The following DLGAP4 variants were observed in gnomAD, a reference collection of about 807,000 sequenced individuals.
DLGAP4 encodes the protein disks large-associated protein 4.
DLGAP4 carries 18 observed loss-of-function variants against 86.9 expected under a neutral mutation model. The ratio of observed to expected loss-of-function variants is 0.21; its 90% CI spans 0.14 to 0.31. The LOEUF (loss-of-function observed/expected upper bound fraction) is 0.31, where lower values mean the gene tolerates loss of function less well. Ranked by LOEUF, DLGAP4 falls within the 10% of genes least tolerant of loss-of-function variation. The pLI is 1.00. For synonymous variants in DLGAP4, 548 were observed against 574.3 expected, an observed-to-expected ratio of 0.95 and a Z score of 0.65; for missense variants, 1,085 against 1,362.6, an observed-to-expected ratio of 0.80 and a Z score of 3.21.
intron 1 of DLGAP4, among the ~76,000 whole-genome samples, chr20:36,327,496 TC>T (rs1555891085): frequency 1.3e-5 from 2 of 152,070 alleles, no homozygotes; most frequent in Non-Finnish European, 2.9e-5. Context: ...TGAAGGCCAC[TC>T]TTGACTCAGT....
At chr20:36,403,875 G>A (rs969795119) in intron 2 of DLGAP4, among the ~76,000 whole-genome samples, 2 of 152,210 alleles carry the variant, frequency 1.3e-5, no homozygotes, top group Non-Finnish European at 2.9e-5. Context: ...TAGGGCTGAT[G>A]GCAGGAGGCC....
At chr20:36,341,457 C>G (rs1292472184) in intron 1 of DLGAP4, among the ~76,000 whole-genome samples, 2 of 152,252 alleles carry the variant, frequency 1.3e-5, no homozygotes, top group Non-Finnish European at 2.9e-5. Context: ...GATGGTGATG[C>G]CTGGCACTCA....
chr20:36,489,050 A>G (rs1317008125), intron 7 of DLGAP4, among the ~76,000 whole-genome samples: 1 of 152,250 alleles, frequency 6.6e-6, no homozygotes, highest in Non-Finnish European at 1.5e-5. Context: ...CATTTTAAAC[A>G]GTGAAGTCAC....
intron 1 of DLGAP4, among the ~76,000 whole-genome samples, chr20:36,358,884 A>G (rs1219764850): frequency 6.6e-6 from 1 of 152,206 alleles, no homozygotes; most frequent in African/African-American, 2.4e-5. Context: ...AACCAGGTAG[A>G]TCATGGTAGA....
intron 10 of DLGAP4, among the ~76,000 whole-genome samples, chr20:36,514,626 C>T (rs142105013): frequency 5.3e-5 from 8 of 152,096 alleles, no homozygotes; most frequent in African/African-American, 1.9e-4. Flanking sequence ...GTTGCCTAGG[C>T]TGGTCTCAAA....
chr20:36,469,523 C>T (rs1218682877), intron 7 of DLGAP4, among the ~76,000 whole-genome samples: 1 of 152,124 alleles, frequency 6.6e-6, no homozygotes, highest in African/African-American at 2.4e-5. Context: ...GAGGCTGAGG[C>T]GGGCGGATCA....
intron 1 of DLGAP4, among the ~76,000 whole-genome samples, chr20:36,343,090 CCCCAGTTTGGGCCTTTTCCTAAGTG>C (rs143199712): frequency 0.034 from 5,134 of 152,242 alleles, 289 homozygotes; most frequent in African/African-American, 0.12. Context: ...TGGCCCTCAG[CCCCAGTTTGGGCCTTTTCCTAAGTG>C]CCCTGGAAAG....
intron 7 of DLGAP4, among the ~76,000 whole-genome samples, chr20:36,469,034 A>T (rs2034540201): frequency 6.6e-6 from 1 of 152,136 alleles, no homozygotes; most frequent in Non-Finnish European, 1.5e-5. Flanking sequence ...ATCTCAGTAG[A>T]TCTTTATCCA....
At chr20:36,362,275 A>G (rs2030547888) in intron 1 of DLGAP4, among the ~76,000 whole-genome samples, 1 of 152,174 alleles carries the variant, frequency 6.6e-6, no homozygotes, top group Admixed American at 6.5e-5. Flanking sequence ...AAGAAAAAAG[A>G]AAAAAAGATA....
intron 7 of DLGAP4, among the ~76,000 whole-genome samples, chr20:36,477,777 C>G (rs939940736): frequency 6.6e-6 from 1 of 152,170 alleles, no homozygotes; most frequent in African/African-American, 2.4e-5. Flanking sequence ...AATCCTAGCA[C>G]AGTGTTTGGA....
chr20:36,507,833 G>C (rs1380261676), intron 10 of DLGAP4: 1 of 152,208 alleles, frequency 6.6e-6, no homozygotes, highest in East Asian at 1.9e-4. Flanking sequence ...TCAAGGGCTT[G>C]GGGTGACATG....
intron 10 of DLGAP4, among the ~76,000 whole-genome samples, chr20:36,506,532 A>T (rs2036382706): frequency 6.6e-6 from 1 of 152,218 alleles, no homozygotes; most frequent in Non-Finnish European, 1.5e-5. Context: ...TACATAGGTC[A>T]GGGAACTCAG....
intron 7 of DLGAP4, among the ~76,000 whole-genome samples, chr20:36,496,120 C>G (rs894857001): frequency 6.6e-6 from 1 of 152,118 alleles, no homozygotes; most frequent in Admixed American, 6.5e-5. Context: ...GATCTGCCCA[C>G]TTCAGCCTCC....
intron 12 of DLGAP4, 33 bp from the exon 13 acceptor site, chr20:36,526,780 T>C: frequency 2.0e-6 from 3 of 1,533,166 alleles, no homozygotes; most frequent in Middle Eastern, 2.4e-4. Flanking sequence ...ACCTTTATTT[T>C]ATTTTTGTTC....
At position 36,500,439 on chromosome 20, in the gene DLGAP4, C is replaced by T. The variant is rs188461552; in HGVS notation, c.2340C>T (p.Pro780=). The change falls in exon 10 of 13, where the codon CCC becomes CCT. Residue 780 remains proline, a synonymous_variant. Transcript: ENST00000339266. This position sits in a 1 kb window ranked among gnomAD's most constrained non-coding sequence, Gnocchi z 4.6. Reference sequence around the variant, plus strand: ...TAGAGGCGTCCTCGCTGCCCCCACCCGACCCCTGGCTCGAGACCTCCTCCA... The same window carrying T: ...TAGAGGCGTCCTCGCTGCCCCCACCTGACCCCTGGCTCGAGACCTCCTCCA... ...PALEASSLPP[P]DPWLETSSSS... 95 of 1,575,400 alleles carry T rather than the reference C, an allele frequency of 6.0e-5. 1 individual carries two copies. Among genetic ancestry groups the T allele is most frequent in the Admixed American group, 8.9e-5 (5 of 55,876 alleles).
chr20:36,522,506 A>T (rs2037438241), intron 10 of DLGAP4, among the ~76,000 whole-genome samples: 1 of 151,952 alleles, frequency 6.6e-6, no homozygotes, highest in Non-Finnish European at 1.5e-5. Flanking sequence ...ATAAGAGATT[A>T]TTGGGTATGC....
chr20:36,368,849 A>G (rs997278926), intron 2 of DLGAP4, among the ~76,000 whole-genome samples: 9 of 152,240 alleles, frequency 5.9e-5, no homozygotes, highest in African/African-American at 2.2e-4. Context: ...AAATTCCCCC[A>G]TAACCCTGTG....
At chr20:36,318,661 A>T (rs929550691) in intron 1 of DLGAP4, among the ~76,000 whole-genome samples, 31 of 152,214 alleles carry the variant, frequency 2.0e-4, no homozygotes, top group African/African-American at 7.0e-4. Flanking sequence ...GGTGTGGACC[A>T]CTGCACCCAG....
At chr20:36,461,816 G>A (rs2147618461) in intron 7 of DLGAP4, 1 of 966,750 alleles carries the variant, frequency 1.0e-6, no homozygotes, top group Non-Finnish European at 1.2e-6. Flanking sequence ...CCGTGTCCCC[G>A]CTCCGCCCGC....
Sources: gnomAD v4.1 joint callset for allele counts (sites outside exome capture counted in the v4.1 genomes callset) on GRCh38, gnomAD v4.1.1 for gene constraint, Gnocchi (gnomAD v3.1) non-coding constraint, MANE v1.5 for transcripts, NCBI Gene and HGNC (gene_info 2026-07-23, HGNC 2026-07-21) for gene names.